The following WDR41 variants were observed in gnomAD, a reference collection of about 807,000 sequenced individuals.
WDR41 encodes WD repeat-containing protein 41.
In WDR41, 63 loss-of-function variants were observed where a neutral mutation model predicts 69.3. The ratio of observed to expected loss-of-function variants is 0.91; its 90% CI spans 0.74 to 1.12. The LOEUF (loss-of-function observed/expected upper bound fraction) is 1.12, where lower values mean the gene tolerates loss of function less well. Ranked by LOEUF, WDR41 falls within the 50% of genes most tolerant of loss-of-function variation. The pLI, the probability that WDR41 is intolerant of heterozygous loss-of-function variation, is 0.00. For synonymous variants in WDR41, 185 were observed against 192.1 expected (o/e 0.96, Z 0.31); for missense variants, 543 against 534.5 (o/e 1.02, Z -0.16).
intron 2 of WDR41, among the ~76,000 whole-genome samples, chr5:77,476,539 AT>A (rs1303789691): frequency 6.6e-6 from 1 of 151,886 alleles, no homozygotes; most frequent in South Asian, 2.1e-4. Flanking sequence ...AAAGAAAAGA[AT>A]TTTCAACCCA....
rs114868301 is a variant in WDR41 at position 77,465,352 on chromosome 5, G to A, written c.168-543C>T. ...TTGTTGCTTTTTAGTGAAGATGCTT[G>A]AAATGCACAGGTAAAGCTTGTCTTA... On this transcript the variant is annotated intron_variant, in intron 2 of 12. Transcript: ENST00000296679. 9.0e-3 allele frequency among the ~76,000 whole-genome samples: 1,367 copies of A among 152,114 alleles called. 24 individuals carry two copies. The highest frequency in any genetic ancestry group is 0.029 in the African/African-American group (1,224 of 41,518).
At chr5:77,518,710 A>G (rs1802329054) in intron 1 of WDR41, among the ~76,000 whole-genome samples, 1 of 152,146 alleles carries the variant, frequency 6.6e-6, no homozygotes, top group African/African-American at 2.4e-5. Context: ...AACTTAAAAT[A>G]TGTTTGGATT....
chr5:77,617,505 C>T (rs961990486), intron 1 of WDR41, among the ~76,000 whole-genome samples: 24 of 152,018 alleles, frequency 1.6e-4, no homozygotes, highest in African/African-American at 4.8e-4. Flanking sequence ...TTATATTCAA[C>T]AATTTTTAAA....
At chr5:77,613,198 T>C (rs1580053663) in intron 1 of WDR41, among the ~76,000 whole-genome samples, 1 of 152,044 alleles carries the variant, frequency 6.6e-6, no homozygotes, top group East Asian at 1.9e-4. Context: ...AGAATCAATA[T>C]CATGAAAATG....
chr5:77,440,027 A>G (rs1302199003), intron 9 of WDR41, among the ~76,000 whole-genome samples: 1 of 152,188 alleles, frequency 6.6e-6, no homozygotes, highest in African/African-American at 2.4e-5. Flanking sequence ...TTGTTTTTAA[A>G]GAGTGGTACA....
At position 77,578,068 on chromosome 5, in the gene WDR41, A is replaced by C. The variant is rs144489665; in HGVS notation, c.42+42411T>G. ...CAGCATTGCAAGAGTATCATATTGC[A>C]AATCGCTAACCCGAAAAAAGATCAA... On this transcript the variant is annotated intron_variant, in intron 1 of 5. Transcript: ENST00000509971. Among the ~76,000 whole-genome samples, 327 of 152,346 alleles carry C rather than the reference A, an allele frequency of 2.1e-3. 2 individuals carry two copies. The highest frequency in any genetic ancestry group is 7.6e-3 in the African/African-American group (318 of 41,572).
In WDR41 at chr5:77,433,222, C is replaced by T. The variant is rs904630409; in HGVS notation, c.1293G>A (p.Trp431Ter). 6.2e-7 allele frequency: 1 copy of T among 1,613,836 alleles called. No homozygotes were observed. The highest frequency in any genetic ancestry group is 8.5e-7 in the Non-Finnish European group (1 of 1,179,922). Residue 431 changes from tryptophan to a stop codon, truncating the protein, a stop_gained, in exon 13 of 13, where the codon TGG becomes TGA. Coordinates refer to ENST00000296679, the MANE Select transcript of WDR41 (RefSeq NM_018268.4). LOFTEE classifies it high-confidence loss of function. ...TCSADHLIIL[W>*]KNGERESGLR... ...ATCCAGATTCTCGCTCTCCATTTTT[C>T]CACAAAATAATGAGATGATCAGCGG...
chr5:77,459,693 T>A (rs1158917651), intron 4 of WDR41, among the ~76,000 whole-genome samples: 1 of 152,184 alleles, frequency 6.6e-6, no homozygotes, highest in East Asian at 1.9e-4. Context: ...CCATTTCCTA[T>A]AGTAAGAAAT....
chr5:77,486,178 G>A (rs192911403), intron 2 of WDR41, among the ~76,000 whole-genome samples: 63 of 152,028 alleles, frequency 4.1e-4, no homozygotes, highest in African/African-American at 1.4e-3. Flanking sequence ...TGACTCTTTC[G>A]GTTTTTCTTT....
chr5:77,572,226 C>T (rs1242166235), intron 1 of WDR41, among the ~76,000 whole-genome samples: 1 of 152,186 alleles, frequency 6.6e-6, no homozygotes, highest in Non-Finnish European at 1.5e-5. Context: ...TGATACACTA[C>T]TTTTTCATGT....
At chr5:77,597,567 G>T (rs945426396) in intron 1 of WDR41, among the ~76,000 whole-genome samples, 3 of 152,158 alleles carry the variant, frequency 2.0e-5, no homozygotes, top group Non-Finnish European at 2.9e-5. Flanking sequence ...GTAATCTAAA[G>T]TAAGGGGAAA....
At chr5:77,491,483 G>A (rs988088847) in intron 1 of WDR41, among the ~76,000 whole-genome samples, 1 of 151,922 alleles carries the variant, frequency 6.6e-6, no homozygotes, top group Non-Finnish European at 1.5e-5. Flanking sequence ...ATAAATTTGG[G>A]ACCTCAAAAT....
Position 77,556,981 on chromosome 5 carries a change from G to A in WDR41, c.42+63498C>T, listed in dbSNP as rs569938841. ...TGCCAGATGCTGGGCAAGAGGGAAA[G>A]GGGGAGGGGTGGAGCCTGAAAGCTG... is the stretch of plus-strand genomic sequence containing the variant. On this transcript the variant is annotated intron_variant, in intron 1 of 5. Transcript: ENST00000509971. Among the ~76,000 whole-genome samples, 6 of 152,280 alleles carry A rather than the reference G, an allele frequency of 3.9e-5. No homozygotes were observed. The East Asian group carries it at 1.2e-3, about 29-fold the overall frequency.
intron 2 of WDR41, among the ~76,000 whole-genome samples, chr5:77,466,101 G>A (rs1000904155): frequency 6.6e-6 from 1 of 151,838 alleles, no homozygotes; most frequent in Non-Finnish European, 1.5e-5. Context: ...TTTAAATACA[G>A]AACTACCTAT....
chr5:77,586,774 A>C (rs1744046710), intron 1 of WDR41, among the ~76,000 whole-genome samples: 1 of 145,776 alleles, frequency 6.9e-6, no homozygotes, highest in African/African-American at 2.6e-5. Flanking sequence ...GCTGGAGAGC[A>C]GTGGTAGGAT....
chr5:77,486,944 T>C (rs1801552802), intron 2 of WDR41, among the ~76,000 whole-genome samples: 1 of 152,248 alleles, frequency 6.6e-6, no homozygotes, highest in African/African-American at 2.4e-5. Flanking sequence ...TTACAGAATA[T>C]TTACTCTATC....
intron 1 of WDR41, among the ~76,000 whole-genome samples, chr5:77,612,162 C>G (rs1329755998): frequency 6.6e-6 from 1 of 152,126 alleles, no homozygotes; most frequent in Non-Finnish European, 1.5e-5. Flanking sequence ...AGTTTACCAA[C>G]CAAAAAGAGT....
In WDR41 at chr5:77,437,342, G is replaced by A; in HGVS notation, c.1087C>T (p.Pro363Ser). 2.5e-6 allele frequency: 4 copies of A among 1,613,404 alleles called. No individual in the cohort carries two copies. The highest frequency in any genetic ancestry group is 3.4e-6 in the Non-Finnish European group (4 of 1,179,550). Reference protein sequence around the residue: ...EKQQLAAEPVPTGFFNMWGFG... With the variant: ...EKQQLAAEPVSTGFFNMWGFG... Reference sequence around the variant, plus strand: ...TTTGAGAGAAGACACACACCTGTTGGTACAGGCTCAGCTGCAAGCTGCTGT... The same window carrying A: ...TTTGAGAGAAGACACACACCTGTTGATACAGGCTCAGCTGCAAGCTGCTGT... The change falls in exon 11 of 13, where the codon CCA becomes TCA. Residue 363 changes from proline to serine, a missense_variant. Coordinates refer to ENST00000296679, the MANE Select transcript of WDR41 (RefSeq NM_018268.4).
chr5:77,437,708 A>ATAAATTG (rs1168349203), intron 10 of WDR41, among the ~76,000 whole-genome samples: 1 of 152,180 alleles, frequency 6.6e-6, no homozygotes, highest in African/African-American at 2.4e-5. Context: ...ACAATGTCCT[A>ATAAATTG]AGCAGCCCCC....
Sources: allele counts gnomAD v4.1 joint callset (sites outside exome capture counted in the v4.1 genomes callset), GRCh38; gene constraint gnomAD v4.1.1; transcripts MANE v1.5; gene names NCBI Gene and HGNC (gene_info 2026-07-23, HGNC 2026-07-21).